Variants in SRPK2 observed in about 807,000 individuals in gnomAD.
SRPK2 encodes the protein SFRS protein kinase 2.
Under a neutral mutation model 90.8 loss-of-function variants are expected in SRPK2, and 21 were observed. The ratio of observed to expected loss-of-function variants is 0.23; its 90% CI spans 0.16 to 0.33. SRPK2 has a LOEUF of 0.33. Among genes scored for constraint, SRPK2 ranks in the 10% least tolerant of loss-of-function variants. The pLI, the probability that SRPK2 is intolerant of heterozygous loss-of-function variation, is 1.00. For missense variants in SRPK2, 620 were observed against 869.0 expected, an observed-to-expected ratio of 0.71 and a Z score of 3.60; for synonymous variants, 288 against 311.1, an observed-to-expected ratio of 0.93 and a Z score of 0.78.
intron 1 of SRPK2, among the ~76,000 whole-genome samples, chr7:105,396,206 C>T (rs552612234): frequency 3.3e-5 from 5 of 152,096 alleles, no homozygotes; most frequent in Middle Eastern, 3.4e-3. Context: ...TGAGCCACCA[C>T]GCCCGGCTAG....
At chr7:105,278,633 C>T (rs1277332633) in intron 2 of SRPK2, among the ~76,000 whole-genome samples, 3 of 151,556 alleles carry the variant, frequency 2.0e-5, no homozygotes, top group Non-Finnish European at 4.4e-5. Flanking sequence ...TTGTGGTGAG[C>T]TGAGACTGTA....
Position 105,265,288 on chromosome 7 carries a change from CTATAA to C in SRPK2, c.72-61508_72-61504del, listed in dbSNP as rs572925083. 3.3e-3 allele frequency among the ~76,000 whole-genome samples: 499 copies of C among 152,220 alleles called. 1 individual carries two copies. Among genetic ancestry groups the C allele is most frequent in the African/African-American group, 0.011 (460 of 41,530 alleles). ...TACAACAATAATACAAATTTTTAAA[CTATAA>C]TATAACAACTATTTACAGAGTGTTT... On this transcript the variant is annotated intron_variant, in intron 2 of 15. Transcript: ENST00000393651.
Position 105,230,123 on chromosome 7 carries a change from T to C in SRPK2, c.72-26338A>G, listed in dbSNP as rs187091637. Among the ~76,000 whole-genome samples, 241 of 152,282 alleles carry C rather than the reference T, an allele frequency of 1.6e-3. 2 individuals are homozygous for C. The highest frequency in any genetic ancestry group is 1.7e-3 in the Non-Finnish European group (115 of 68,024). On this transcript the variant is annotated intron_variant, in intron 2 of 15. Coordinates refer to ENST00000393651, the MANE Select transcript of SRPK2 (RefSeq NM_182692.3). ...TGTCAGCTGAACACTGTAATGCTCA[T>C]CCTGAGCAAAGCAAGAATGCCTGAG...
intron 2 of SRPK2, among the ~76,000 whole-genome samples, chr7:105,220,495 C>T (rs1797964614): frequency 6.6e-6 from 1 of 151,994 alleles, no homozygotes; most frequent in Non-Finnish European, 1.5e-5. Flanking sequence ...CACTGCACTC[C>T]AGCCTGGCGA....
chr7:105,155,043 C>T (rs1304817763), intron 7 of SRPK2, among the ~76,000 whole-genome samples: 2 of 152,010 alleles, frequency 1.3e-5, no homozygotes, highest in African/African-American at 2.4e-5. Context: ...TGCAATGGCA[C>T]GATCTCGGCT....
intron 2 of SRPK2, among the ~76,000 whole-genome samples, chr7:105,303,925 T>C (rs1810867125): frequency 1.3e-5 from 2 of 152,238 alleles, no homozygotes; most frequent in Admixed American, 1.3e-4. Flanking sequence ...CTGTTTTGGA[T>C]CTTTTGTTAA....
At chr7:105,155,410 G>A (rs999760210) in intron 7 of SRPK2, among the ~76,000 whole-genome samples, 8 of 152,238 alleles carry the variant, frequency 5.3e-5, no homozygotes, top group African/African-American at 1.7e-4. Flanking sequence ...CCAAAGCTAT[G>A]ATGTTAAATC....
intron 2 of SRPK2, among the ~76,000 whole-genome samples, chr7:105,232,415 C>T (rs1449058621): frequency 4.7e-5 from 7 of 147,582 alleles, no homozygotes; most frequent in African/African-American, 1.5e-4. Context: ...GCCGAGATCG[C>T]GCCATTGCAC....
At chr7:105,321,595 TACA>T (rs1365500126) in intron 2 of SRPK2, among the ~76,000 whole-genome samples, 1 of 152,016 alleles carries the variant, frequency 6.6e-6, no homozygotes, top group Non-Finnish European at 1.5e-5. Flanking sequence ...CTGGAATATA[TACA>T]ACAACAAAAA....
intron 2 of SRPK2, chr7:105,204,810 T>C: frequency 3.9e-6 from 2 of 510,722 alleles, no homozygotes; most frequent in South Asian, 1.7e-5. Flanking sequence ...GCATGCGCCC[T>C]ATTTTAAGGG....
chr7:105,290,410 A>T (rs549416294), intron 2 of SRPK2, among the ~76,000 whole-genome samples: 1 of 152,268 alleles, frequency 6.6e-6, no homozygotes, highest in Non-Finnish European at 1.5e-5. Flanking sequence ...AGGTAGGAGG[A>T]TCACTTGAGC....
At chr7:105,345,930 A>G (rs1816398441) in intron 2 of SRPK2, among the ~76,000 whole-genome samples, 1 of 152,274 alleles carries the variant, frequency 6.6e-6, no homozygotes, top group Non-Finnish European at 1.5e-5. Flanking sequence ...CAGATACAGA[A>G]TGTTTCCATA....
At chr7:105,126,152 A>G (rs1331081947) in intron 15 of SRPK2, 96 bp downstream of exon 15, 1 of 1,064,886 alleles carries the variant, frequency 9.4e-7, no homozygotes, top group Non-Finnish European at 1.4e-6. Context: ...TTTCGAATTT[A>G]GGAGAAATGC....
At chr7:105,196,735 TTCTTTGCTTTTTTTTCCTTAAAAAAC>T (rs1328179681) in intron 3 of SRPK2, among the ~76,000 whole-genome samples, 9 of 152,232 alleles carry the variant, frequency 5.9e-5, no homozygotes, top group Non-Finnish European at 1.5e-5. Context: ...AGCTTTAAGG[TTCTTTGCTTTTTTTTCCTTAAAAAAC>T]AACACAGATT....
chr7:105,285,918 G>A (rs2130909074), intron 2 of SRPK2, among the ~76,000 whole-genome samples: 1 of 152,276 alleles, frequency 6.6e-6, no homozygotes, highest in Non-Finnish European at 1.5e-5. Flanking sequence ...CTAATACAAA[G>A]TAGAAACAGA....
chr7:105,203,622 C>A lies in SRPK2; in HGVS notation c.229+6G>T, dbSNP rs758924203. On this transcript the variant is annotated splice_donor_region_variant and intron_variant, in intron 3 of 15. Transcript: ENST00000393651. Reference sequence around the variant, plus strand: ...AAGCCCCACACCACCATGCTTGGCACATCACCTTTGCAGTAGTCCGCAGGG... The same window carrying A: ...AAGCCCCACACCACCATGCTTGGCAAATCACCTTTGCAGTAGTCCGCAGGG... 3 of 1,483,788 alleles carry A rather than the reference C, an allele frequency of 2.0e-6. No homozygotes were observed. The Admixed American group carries it at 7.6e-5, about 38-fold the overall frequency. The allele number at this position is 1,483,788 out of a possible 1,614,324, so 91.9% of individuals were successfully genotyped here. A position where few individuals can be genotyped will look rare whatever the true frequency, so the allele number is the denominator to read the frequency against.
At chr7:105,350,785 T>A (rs927339063) in intron 2 of SRPK2, among the ~76,000 whole-genome samples, 1 of 152,112 alleles carries the variant, frequency 6.6e-6, no homozygotes, top group African/African-American at 2.4e-5. Context: ...GTGCTATAGT[T>A]GCTATAATTA....
At chr7:105,192,791 A>G (rs1794466505) in intron 3 of SRPK2, among the ~76,000 whole-genome samples, 1 of 152,112 alleles carries the variant, frequency 6.6e-6, no homozygotes, top group South Asian at 2.1e-4. Context: ...CATTTCCCTG[A>G]TCATTAGTGA....
intron 2 of SRPK2, among the ~76,000 whole-genome samples, chr7:105,310,395 T>C (rs1310307863): frequency 1.3e-5 from 2 of 151,998 alleles, no homozygotes; most frequent in Non-Finnish European, 1.5e-5. Context: ...GTAAAAAATA[T>C]GAAAAAATAG....
Sources: gnomAD v4.1 joint callset for allele counts (sites outside exome capture counted in the v4.1 genomes callset) on GRCh38, gnomAD v4.1.1 for gene constraint, MANE v1.5 for transcripts, NCBI Gene and HGNC (gene_info 2026-07-23, HGNC 2026-07-21) for gene names.